Variants in LOC400499 observed in about 807,000 individuals in gnomAD.
the LOC400499 span, among the ~76,000 whole-genome samples, chr16:11,520,240 T>C: frequency 6.6e-6 from 1 of 152,142 alleles, no homozygotes; most frequent in Admixed American, 6.6e-5. Context: ...AAATGGTGTA[T>C]TCCATATTAT....
chr16:11,477,325 G>A, the LOC400499 span, among the ~76,000 whole-genome samples: 559 of 152,324 alleles, frequency 3.7e-3, 3 homozygotes, highest in African/African-American at 0.012. Context: ...CTCAGCTGAG[G>A]GGCTGGGGAC....
chr16:11,495,936 T>G, the LOC400499 span, among the ~76,000 whole-genome samples: 1 of 152,206 alleles, frequency 6.6e-6, no homozygotes, highest in African/African-American at 2.4e-5. Flanking sequence ...AAATGCAAAT[T>G]CTGGGCTCAC....
the LOC400499 span, among the ~76,000 whole-genome samples, chr16:11,525,164 G>A: frequency 7.2e-5 from 11 of 151,886 alleles, no homozygotes; most frequent in Non-Finnish European, 1.5e-4. Flanking sequence ...CACACCTGTG[G>A]TCCCAGCTAC....
chr16:11,413,892 C>T, the LOC400499 span, among the ~76,000 whole-genome samples: 3 of 152,168 alleles, frequency 2.0e-5, no homozygotes, highest in African/African-American at 7.2e-5. Flanking sequence ...TTGCCCAAGG[C>T]CACACAGCTG....
At chr16:11,403,804 C>T in the LOC400499 span, among the ~76,000 whole-genome samples, 2 of 151,904 alleles carry the variant, frequency 1.3e-5, no homozygotes, top group African/African-American at 2.4e-5. Context: ...CTGTTGTTGG[C>T]GCTGTGTCGG....
the LOC400499 span, chr16:11,384,047 C>A: frequency 8.1e-7 from 1 of 1,231,800 alleles, no homozygotes; most frequent in African/African-American, 1.5e-5. Flanking sequence ...TCCTGCTGGA[C>A]CATGTGGCTC....
chr16:11,390,410 C>A, the LOC400499 span: 1 of 1,251,012 alleles, frequency 8.0e-7, no homozygotes, highest in Non-Finnish European at 1.0e-6. Context: ...CACACCTCCT[C>A]CAGGGGCCGC....
the LOC400499 span, among the ~76,000 whole-genome samples, chr16:11,398,900 T>G: frequency 6.6e-6 from 1 of 152,158 alleles, no homozygotes; most frequent in Non-Finnish European, 1.5e-5. Context: ...CACCTCAGCC[T>G]TCCAAAGTGC....
the LOC400499 span, among the ~76,000 whole-genome samples, chr16:11,496,067 CT>C: frequency 6.4e-4 from 93 of 145,476 alleles, no homozygotes; most frequent in African/African-American, 2.0e-3. Context: ...TAGCTCTGTC[CT>C]TTTTTTTTTT....
At chr16:11,524,243 A>G in the LOC400499 span, among the ~76,000 whole-genome samples, 1 of 100,730 alleles carries the variant, frequency 9.9e-6, no homozygotes, top group Non-Finnish European at 2.0e-5. Flanking sequence ...TCCCCCTCCT[A>G]TCCATCTACC....
chr16:11,488,090 C>T, the LOC400499 span, among the ~76,000 whole-genome samples: 1 of 148,384 alleles, frequency 6.7e-6, no homozygotes, highest in African/African-American at 2.5e-5. Flanking sequence ...GTACTCCAGC[C>T]TGGGCAATAG....
the LOC400499 span, among the ~76,000 whole-genome samples, chr16:11,384,668 ATGGGACAGAAAGCCC>A: frequency 1.1e-4 from 16 of 152,180 alleles, no homozygotes; most frequent in Admixed American, 7.2e-4. Context: ...TGTCCCACGG[ATGGGACAGAAAGCCC>A]TGGGCCTCTG....
At chr16:11,396,858 A>G in the LOC400499 span, among the ~76,000 whole-genome samples, 8 of 152,138 alleles carry the variant, frequency 5.3e-5, no homozygotes, top group Admixed American at 1.3e-4. Flanking sequence ...GGGCTCTGGC[A>G]TGGCCCGTGG....
At chr16:11,523,427 C>T in the LOC400499 span, 11 of 398,782 alleles carry the variant, frequency 2.8e-5, no homozygotes, top group East Asian at 1.8e-4. Context: ...CACCTGTGCA[C>T]GCAGTCATGC....
chr16:11,455,903 A>C, the LOC400499 span, among the ~76,000 whole-genome samples: 5 of 152,034 alleles, frequency 3.3e-5, no homozygotes, highest in Non-Finnish European at 7.4e-5. Context: ...TCTACACAAG[A>C]GCAGAGAGCA....
chr16:11,522,011 G>C, the LOC400499 span: 3 of 399,102 alleles, frequency 7.5e-6, no homozygotes, highest in African/African-American at 4.1e-5. Context: ...TGGAGGCCAA[G>C]ACCACTCCCC....
the LOC400499 span, among the ~76,000 whole-genome samples, chr16:11,421,293 T>C: frequency 2.6e-5 from 4 of 152,140 alleles, no homozygotes; most frequent in South Asian, 4.2e-4. Context: ...CCCTGGACTT[T>C]CCCCCCAGGA....
At chr16:11,429,348 C>A in the LOC400499 span, among the ~76,000 whole-genome samples, 1 of 152,156 alleles carries the variant, frequency 6.6e-6, no homozygotes, top group Non-Finnish European at 1.5e-5. Flanking sequence ...GTACAGCTTG[C>A]AGAACTATGA....
At chr16:11,436,526 C>A in the LOC400499 span, among the ~76,000 whole-genome samples, 3 of 152,166 alleles carry the variant, frequency 2.0e-5, no homozygotes, top group African/African-American at 7.2e-5. Context: ...ATCTGCAAAG[C>A]AGGTTTAGCC....
Sources: gnomAD v4.1 joint callset for allele counts (sites outside exome capture counted in the v4.1 genomes callset) on GRCh38, gnomAD v4.1.1 for gene constraint, MANE v1.5 for transcripts.